AGR2: variants seen among roughly 807,000 people sequenced by gnomAD.
AGR2 encodes anterior gradient protein 2 homolog.
In AGR2, 27 loss-of-function variants were observed where a neutral mutation model predicts 25.9. The observed-to-expected ratio is 1.04, with a 90% CI of 0.77 to 1.44. The LOEUF (loss-of-function observed/expected upper bound fraction) is 1.44. AGR2 is among the 40% of genes most tolerant of loss of function. The pLI is 0.00. For synonymous variants in AGR2, 78 were observed against 72.0 expected, an observed-to-expected ratio of 1.08 and a Z score of -0.42; for missense variants, 182 against 200.9, an observed-to-expected ratio of 0.91 and a Z score of 0.57.
chr7:16,797,601 C>G, intron 6 of AGR2, 30 bp downstream of exon 6: 2 of 1,607,732 alleles, frequency 1.2e-6, no homozygotes, highest in South Asian at 1.1e-5. Context: ...GTATGTGTTT[C>G]CGAGTTATCT....
At position 16,801,779 on chromosome 7, in the gene AGR2, C is replaced by G; in HGVS notation, c.18G>C (p.Val6=). ...GGGCCACAAGGAGCAAGAATGCTGACACTGGAATTTTCTCCATGGCAACTC... is the reference window on the plus strand; with the variant it reads ...GGGCCACAAGGAGCAAGAATGCTGAGACTGGAATTTTCTCCATGGCAACTC... MEKIP[V]SAFLLLVALS... The change falls in exon 2 of 8, where the codon GTG becomes GTC. Residue 6 remains valine (V), a synonymous_variant. Transcript: ENST00000419304. 1 of 1,608,530 alleles carries G rather than the reference C, an allele frequency of 6.2e-7. No individual in the cohort carries two copies. Among genetic ancestry groups the G allele is most frequent in the Non-Finnish European group, 8.5e-7 (1 of 1,176,480 alleles).
At position 16,801,768 on chromosome 7, in the gene AGR2, A is replaced by C; in HGVS notation, c.29T>G (p.Leu10Trp). ...AGTGTAGGAGAGGGCCACAAGGAGC[A>C]AGAATGCTGACACTGGAATTTTCTC... is the stretch of plus-strand genomic sequence containing the variant. MEKIPVSAF[L>W]LLVALSYTLA... Residue 10 changes from leucine to tryptophan, a missense_variant, in exon 2 of 8, where the codon TTG (leucine) becomes TGG (tryptophan). Transcript: ENST00000419304. 6.2e-7 allele frequency: 1 copy of C among 1,611,062 alleles called. No homozygotes were observed. The highest frequency in any genetic ancestry group is 8.5e-7 in the Non-Finnish European group (1 of 1,178,230).
chr7:16,802,235 C>T (rs1368401708), intron 1 of AGR2, among the ~76,000 whole-genome samples: 1 of 152,132 alleles, frequency 6.6e-6, no homozygotes, highest in African/African-American at 2.4e-5. Context: ...TTATTAATCT[C>T]TTATTGTGCT....
chr7:16,797,676 G>T lies in AGR2; in HGVS notation c.349C>A (p.His117Asn), dbSNP rs780638101. ...ACATACTGGCCATCAGGAGAAAGGT[G>T]TTTGTCAGTTGTTTCATACTAAAAT... ...LNLVYETTDK[H>N]LSPDGQYVPR... Residue 117 changes from histidine to asparagine, a missense_variant, in exon 6 of 8, where the codon CAC (histidine) becomes AAC (asparagine). Physicochemically the swap from His to Asn is moderately conservative, Grantham distance 68. Transcript: ENST00000419304. The T allele has an allele frequency of 1.2e-6, 2 of 1,613,470 alleles. No homozygotes were observed. The highest frequency in any genetic ancestry group is 1.7e-6 in the Non-Finnish European group (2 of 1,179,790).
rs1230268846 is a variant in AGR2, at chr7:16,801,216, G to C, written c.204-13C>G. The C allele has an allele frequency of 1.2e-6, 2 of 1,613,632 alleles. No homozygotes were observed. The highest frequency in any genetic ancestry group is 2.7e-5 in the African/African-American group (2 of 75,042). ...CAAGGGTTTGTTGCTTTAAAAGACAGAGATTAGACAAATTTTAATGAGTAA... is the reference window on the plus strand; with the variant it reads ...CAAGGGTTTGTTGCTTTAAAAGACACAGATTAGACAAATTTTAATGAGTAA... On this transcript the variant is annotated splice_polypyrimidine_tract_variant and intron_variant, in intron 3 of 7. Coordinates refer to ENST00000419304, the MANE Select transcript of AGR2 (RefSeq NM_006408.4).
In AGR2 at chr7:16,795,049, G is replaced by T. The variant is rs771188886; in HGVS notation, c.395-30C>A. The T allele has an allele frequency of 3.7e-6, 6 of 1,611,210 alleles. No homozygotes were observed. In the East Asian group the frequency reaches 1.1e-4, roughly 30 times the overall value. On this transcript the variant is annotated intron_variant, in intron 6 of 7. Coordinates refer to ENST00000419304, the MANE Select transcript of AGR2 (RefSeq NM_006408.4). ...AAAGATAAATGAAGCAAAAGGGAAT[G>T]GAATGGTTTGTTTTCAAACAACCTG...
chr7:16,801,817 C>T lies in AGR2; in HGVS notation c.-7-14G>A. The T allele has an allele frequency of 6.3e-7, 1 of 1,597,848 alleles. No homozygotes were observed. The highest frequency in any genetic ancestry group is 1.1e-5 in the South Asian group (1 of 89,910). ...TCCATGGCAACTCTAGTATGGAAAA[C>T]CAACCAAAATCAGTAAACAAAATTG... On this transcript the variant is annotated splice_polypyrimidine_tract_variant and intron_variant, in intron 1 of 7. Transcript: ENST00000419304.
In AGR2 at chr7:16,799,701, T is replaced by C. The variant is rs887497089; in HGVS notation, c.330+43A>G. On this transcript the variant is annotated intron_variant, in intron 5 of 7. Coordinates refer to ENST00000419304, the MANE Select transcript of AGR2 (RefSeq NM_006408.4). ...AAAATGAATCATCCATTTCAAGTAA[T>C]GAGCCATAGAGAAATGTTAGTAATG... 4 of 1,400,834 alleles carry C rather than the reference T, an allele frequency of 2.9e-6. No individual in the cohort carries two copies. The Admixed American group carries it at 5.3e-5, about 19-fold the overall frequency. The allele number at this position is 1,400,834 out of a possible 1,614,324, so 86.8% of individuals were successfully genotyped here.
At chr7:16,794,077 G>A (rs112681607) in intron 7 of AGR2, among the ~76,000 whole-genome samples, 3 of 152,192 alleles carry the variant, frequency 2.0e-5, no homozygotes, top group African/African-American at 7.2e-5. Flanking sequence ...AATGGACCAT[G>A]ATGATCTCTC....
intron 1 of AGR2, among the ~76,000 whole-genome samples, chr7:16,802,488 C>A (rs942443148): frequency 6.6e-5 from 10 of 152,108 alleles, no homozygotes; most frequent in African/African-American, 2.4e-4. Flanking sequence ...CAACACAAAG[C>A]CCATTTTATA....
chr7:16,801,108 C>T, intron 4 of AGR2, 43 bp downstream of exon 4: 1 of 1,567,784 alleles, frequency 6.4e-7, no homozygotes, highest in Non-Finnish European at 8.8e-7. Context: ...GGCCCTAAGG[C>T]TAAAAGCCTA....
chr7:16,797,574 G>T, intron 6 of AGR2, 57 bp downstream of exon 6: 1 of 1,506,552 alleles, frequency 6.6e-7, no homozygotes, highest in Non-Finnish European at 9.2e-7. Flanking sequence ...GAGGAGAGAA[G>T]GAGGATGGCA....
At chr7:16,804,630 T>C (rs1233420758) in intron 1 of AGR2, among the ~76,000 whole-genome samples, 5 of 152,110 alleles carry the variant, frequency 3.3e-5, no homozygotes, top group African/African-American at 1.2e-4. Context: ...GAGACGAAAA[T>C]CCCTGGACCC....
intron 6 of AGR2, 126 bp downstream of exon 6, chr7:16,797,505 G>T: frequency 1.5e-6 from 1 of 683,844 alleles, no homozygotes; most frequent in Non-Finnish European, 2.5e-6. Flanking sequence ...GGAATGTCAT[G>T]CTCCTTGCTA....
intron 5 of AGR2, among the ~76,000 whole-genome samples, chr7:16,799,368 G>A (rs1347088564): frequency 6.6e-6 from 1 of 152,134 alleles, no homozygotes; most frequent in African/African-American, 2.4e-5. Flanking sequence ...AGCACAAGAG[G>A]CATGATTAGA....
At chr7:16,799,503 T>A (rs1785105731) in intron 5 of AGR2, 7 of 430,228 alleles carry the variant, frequency 1.6e-5, no homozygotes, top group African/African-American at 4.0e-5. Context: ...ACAGAAAAAA[T>A]TCTGACTACG....
intron 7 of AGR2, among the ~76,000 whole-genome samples, chr7:16,793,871 G>T (rs951874861): frequency 1.3e-5 from 2 of 152,232 alleles, no homozygotes; most frequent in Non-Finnish European, 2.9e-5. Flanking sequence ...GATAGGCATT[G>T]AACAGCCGCT....
chr7:16,803,473 A>G (rs1341832577), intron 1 of AGR2, among the ~76,000 whole-genome samples: 1 of 152,214 alleles, frequency 6.6e-6, no homozygotes, highest in Non-Finnish European at 1.5e-5. Flanking sequence ...GTTTTTCATA[A>G]TCTAATATCT....
chr7:16,793,534 G>C (rs576491766), intron 7 of AGR2, among the ~76,000 whole-genome samples: 1 of 152,256 alleles, frequency 6.6e-6, no homozygotes, highest in Admixed American at 6.5e-5. Context: ...AGATAATTTT[G>C]GCTCATTTAG....
Sources: gnomAD v4.1 joint callset for allele counts (sites outside exome capture counted in the v4.1 genomes callset) on GRCh38, gnomAD v4.1.1 for gene constraint, MANE v1.5 for transcripts, NCBI Gene and HGNC (gene_info 2026-07-23, HGNC 2026-07-21) for gene names.